The following LEMD3 variants were observed in gnomAD, a reference collection of about 807,000 sequenced individuals.
LEMD3 encodes the protein LEM domain containing 3.
A neutral mutation model predicts 95.2 loss-of-function variants in LEMD3; 33 were observed. That is an observed-to-expected ratio of 0.35 (90% confidence interval 0.26 to 0.46). The LOEUF is 0.46. LEMD3 is among the 20% of genes least tolerant of loss of function. LEMD3 has a pLI of 1.00. For synonymous variants in LEMD3, 525 were observed against 474.6 expected (o/e 1.11, Z -1.38); for missense variants, 1,210 against 1,192.8 (o/e 1.01, Z -0.21).
At chr12:65,245,237 T>A (rs1327833921) in intron 10 of LEMD3, 1 of 173,536 alleles carries the variant, frequency 5.8e-6, no homozygotes, top group African/African-American at 2.4e-5. Flanking sequence ...TTCACGCCAT[T>A]CTCCTGCCTC....
chr12:65,189,026 A>G (rs118167346), intron 1 of LEMD3, among the ~76,000 whole-genome samples: 1,569 of 152,254 alleles, frequency 0.01, 19 homozygotes, highest in Middle Eastern at 0.024. Flanking sequence ...AACCCTATAT[A>G]TACTATGTTT....
At chr12:65,205,863 T>A (rs1208522200) in intron 1 of LEMD3, among the ~76,000 whole-genome samples, 2 of 152,138 alleles carry the variant, frequency 1.3e-5, no homozygotes, top group Non-Finnish European at 2.9e-5. Context: ...CCATAAAACT[T>A]TTCCTATTTT....
chr12:65,215,126 T>G (rs545797747), intron 2 of LEMD3, among the ~76,000 whole-genome samples: 1 of 152,218 alleles, frequency 6.6e-6, no homozygotes, highest in Non-Finnish European at 1.5e-5. Context: ...ACAACTTTTC[T>G]AGTAGTTTGC....
chr12:65,193,574 C>T (rs189623460), intron 1 of LEMD3, among the ~76,000 whole-genome samples: 16 of 152,218 alleles, frequency 1.1e-4, no homozygotes, highest in Admixed American at 1.0e-3. Flanking sequence ...GCCCACTCGC[C>T]CGACTCCTGA....
chr12:65,207,265 A>G (rs1019684932), intron 1 of LEMD3, among the ~76,000 whole-genome samples: 13 of 152,148 alleles, frequency 8.5e-5, no homozygotes, highest in African/African-American at 2.4e-4. Context: ...CTAGGAGACC[A>G]TAGTATGCCC....
At chr12:65,176,444 T>A (rs1868722707) in intron 1 of LEMD3, among the ~76,000 whole-genome samples, 1 of 152,220 alleles carries the variant, frequency 6.6e-6, no homozygotes, top group Non-Finnish European at 1.5e-5. Context: ...ACATGTCATC[T>A]CCAGATATCT....
chr12:65,198,472 A>AT (rs150320707), intron 1 of LEMD3, among the ~76,000 whole-genome samples: 2,689 of 152,228 alleles, frequency 0.018, 80 homozygotes, highest in African/African-American at 0.06. Flanking sequence ...GAAACTTCTA[A>AT]GAGTTAGGTT....
rs545637742 is a variant in LEMD3, at chr12:65,194,154, A to G, written c.1523-16772A>G. The stretch of plus-strand genomic sequence containing the variant: ...GTCTTCCTTCTGTCAAGGTTCCATG[A>G]CCCCCTGTGGAAACCAAAATCTGAA... On this transcript the variant is annotated intron_variant, in intron 1 of 12. Transcript: ENST00000308330. Among the ~76,000 whole-genome samples the G allele has an allele frequency of 2.0e-5, 3 of 152,046 alleles. No individual in the cohort carries two copies. The East Asian group carries it at 5.8e-4, about 29-fold the overall frequency.
At chr12:65,207,255 CT>C (rs1869791703) in intron 1 of LEMD3, among the ~76,000 whole-genome samples, 1 of 152,050 alleles carries the variant, frequency 6.6e-6, no homozygotes, top group Non-Finnish European at 1.5e-5. Flanking sequence ...AGCTGCTATT[CT>C]AGGAGACCAT....
At chr12:65,196,407 T>C (rs1276305378) in intron 1 of LEMD3, among the ~76,000 whole-genome samples, 1 of 151,990 alleles carries the variant, frequency 6.6e-6, no homozygotes, top group Admixed American at 6.6e-5. Flanking sequence ...GCAAATGAAA[T>C]TTTATCACTG....
chr12:65,181,927 G>A (rs1423925766), intron 1 of LEMD3, among the ~76,000 whole-genome samples: 1 of 150,810 alleles, frequency 6.6e-6, no homozygotes, highest in African/African-American at 2.4e-5. Flanking sequence ...ATCTCTAAAT[G>A]TCCCGTCTTT....
chr12:65,216,093 G>A (rs756259249), intron 3 of LEMD3, 50 bp downstream of exon 3: 1 of 1,105,816 alleles, frequency 9.0e-7, no homozygotes, highest in Admixed American at 1.8e-5. Context: ...AAAAATGTAT[G>A]TAGCATGTTA....
chr12:65,206,710 T>C (rs1869774470), intron 1 of LEMD3, among the ~76,000 whole-genome samples: 1 of 152,078 alleles, frequency 6.6e-6, no homozygotes, highest in Admixed American at 6.6e-5. Flanking sequence ...GGAAAATACT[T>C]CCCTAGACTA....
chr12:65,177,761 C>T (rs1279469437), intron 1 of LEMD3, among the ~76,000 whole-genome samples: 3 of 151,330 alleles, frequency 2.0e-5, no homozygotes, highest in Non-Finnish European at 4.4e-5. Flanking sequence ...TTAAAGTAGA[C>T]TAGCCAAAAG....
chr12:65,218,744 G>C (rs1192476093), intron 4 of LEMD3, 125 bp downstream of exon 4: 2 of 545,284 alleles, frequency 3.7e-6, no homozygotes, highest in Non-Finnish European at 6.6e-6. Context: ...CTGCTGTTTG[G>C]TATAATATGA....
chr12:65,245,763 A>G lies in LEMD3; in HGVS notation c.2482A>G (p.Asn828Asp). 6.2e-7 allele frequency: 1 copy of G among 1,613,206 alleles called. No individual in the cohort carries two copies. Among genetic ancestry groups the G allele is most frequent in the African/African-American group, 1.3e-5 (1 of 75,004 alleles). ...CATTGTTCACATTGCAGTAGACAAA[A>G]ATTCACGTGAGGTAAAGTAACTTTT... ...DGIVHIAVDK[N>D]SREGCVYVKC... The change falls in exon 11 of 13, where the codon AAT (asparagine) becomes GAT (aspartate). Residue 828 changes from asparagine (N) to aspartate (D), a missense_variant. Physicochemically the swap from Asn to Asp is conservative, Grantham distance 23. This residue lies in a region of LEMD3 where 461 missense variants were observed against 569.8 expected (regional missense o/e 0.81). Transcript: ENST00000308330.
intron 4 of LEMD3, among the ~76,000 whole-genome samples, chr12:65,221,849 A>G (rs1331546228): frequency 6.7e-6 from 1 of 148,692 alleles, no homozygotes; most frequent in Non-Finnish European, 1.5e-5. Flanking sequence ...CAAGCGATTC[A>G]CATGTCTCAG....
chr12:65,217,212 TG>T lies in LEMD3; in HGVS notation c.1627+1170del, dbSNP rs139506243. Among the ~76,000 whole-genome samples the T allele has an allele frequency of 5.4e-3, 822 of 152,300 alleles. 3 individuals carry two copies. The highest frequency in any genetic ancestry group is 0.019 in the African/African-American group (778 of 41,566). On this transcript the variant is annotated intron_variant, in intron 3 of 12. Coordinates refer to ENST00000308330, the MANE Select transcript of LEMD3 (RefSeq NM_014319.5). The stretch of plus-strand genomic sequence containing the variant: ...ATATTTTAGGCTTTGTAGGTTAGTT[TG>T]CCTCTGTCACAACCACTCAGTTATG...
chr12:65,223,844 T>TC (rs1027326808), intron 4 of LEMD3, among the ~76,000 whole-genome samples: 15 of 151,420 alleles, frequency 9.9e-5, no homozygotes, highest in African/African-American at 3.6e-4. Context: ...TTTTTTTTTT[T>TC]TTTGTAGTGA....
Sources: allele counts gnomAD v4.1 joint callset (sites outside exome capture counted in the v4.1 genomes callset), GRCh38; gene constraint gnomAD v4.1.1; regional missense constraint gnomAD v4.1.1; transcripts MANE v1.5; gene names NCBI Gene and HGNC (gene_info 2026-07-23, HGNC 2026-07-21).